Variants in DPP10 observed in about 807,000 individuals in gnomAD.
DPP10 encodes the protein dipeptidyl peptidase like 10.
In DPP10, 33 loss-of-function variants were observed where a neutral mutation model predicts 120.9. That is an observed-to-expected ratio of 0.27 (90% CI 0.21 to 0.37). The LOEUF is 0.37. DPP10 is among the 10% of genes least tolerant of loss of function. The pLI is 1.00. For missense variants in DPP10, 816 were observed against 942.8 expected (o/e 0.87, Z 1.76); for synonymous variants, 337 against 326.1 (o/e 1.03, Z -0.36).
At chr2:114,616,819 T>C (rs1246868675) in intron 1 of DPP10, among the ~76,000 whole-genome samples, 4 of 152,054 alleles carry the variant, frequency 2.6e-5, no homozygotes, top group Non-Finnish European at 5.9e-5. Context: ...ATAACATCAA[T>C]GGAGAGATCA....
At chr2:115,121,552 A>C (rs540211864) in intron 1 of DPP10, among the ~76,000 whole-genome samples, 1 of 152,132 alleles carries the variant, frequency 6.6e-6, no homozygotes, top group Admixed American at 6.5e-5. Flanking sequence ...TGGCTCTTGG[A>C]ACATCCTTTT....
intron 1 of DPP10, among the ~76,000 whole-genome samples, chr2:114,555,489 G>A (rs1415316464): frequency 6.6e-6 from 1 of 152,126 alleles, no homozygotes; most frequent in Admixed American, 6.5e-5. Context: ...AACTGTATGG[G>A]TATTTGTGTT....
intron 2 of DPP10, among the ~76,000 whole-genome samples, chr2:115,341,753 C>T (rs2063457729): frequency 6.7e-6 from 1 of 149,688 alleles, no homozygotes; most frequent in African/African-American, 2.5e-5. Context: ...ATTTAAGTTT[C>T]CTCCATATCT....
chr2:114,770,101 G>A (rs552174421), intron 1 of DPP10, among the ~76,000 whole-genome samples: 1 of 152,268 alleles, frequency 6.6e-6, no homozygotes, highest in East Asian at 1.9e-4. Context: ...TTGTTAGCAA[G>A]CTGATTCTAA....
intron 1 of DPP10, among the ~76,000 whole-genome samples, chr2:114,809,526 G>A (rs1003389029): frequency 6.6e-6 from 1 of 152,112 alleles, no homozygotes; most frequent in Non-Finnish European, 1.5e-5. Flanking sequence ...TGCAGTAAGT[G>A]GAGTCTTTAA....
chr2:115,284,002 C>T (rs891059264), intron 1 of DPP10, among the ~76,000 whole-genome samples: 1 of 151,906 alleles, frequency 6.6e-6, no homozygotes, highest in African/African-American at 2.4e-5. Flanking sequence ...GACAACATAG[C>T]CTAACGATGG....
At chr2:115,659,248 C>T (rs2088682692) in intron 5 of DPP10, among the ~76,000 whole-genome samples, 1 of 152,160 alleles carries the variant, frequency 6.6e-6, no homozygotes, top group African/African-American at 2.4e-5. Context: ...CAATACATTT[C>T]TGTTCTTTAT....
intron 1 of DPP10, among the ~76,000 whole-genome samples, chr2:114,863,293 G>A (rs1387732430): frequency 6.6e-6 from 1 of 152,104 alleles, no homozygotes; most frequent in African/African-American, 2.4e-5. Flanking sequence ...CTGAATTGTT[G>A]TACTGTAGAC....
intron 1 of DPP10, among the ~76,000 whole-genome samples, chr2:114,585,335 C>T (rs762095892): frequency 1.3e-5 from 2 of 152,128 alleles, no homozygotes; most frequent in Non-Finnish European, 2.9e-5. Context: ...ATTTCCCTCT[C>T]GTTGACTCTC....
chr2:115,153,993 C>A (rs1024904519), intron 1 of DPP10, among the ~76,000 whole-genome samples: 7 of 152,160 alleles, frequency 4.6e-5, no homozygotes, highest in African/African-American at 1.7e-4. Flanking sequence ...ACTAGCAAAG[C>A]AGATAAACAA....
intron 1 of DPP10, among the ~76,000 whole-genome samples, chr2:114,525,595 C>G (rs796681871): frequency 1.3e-5 from 2 of 152,246 alleles, no homozygotes; most frequent in South Asian, 2.1e-4. Flanking sequence ...TGTTCGAGAT[C>G]GAGTGAAAGA....
intron 1 of DPP10, among the ~76,000 whole-genome samples, chr2:114,670,357 A>G (rs1281233815): frequency 1.3e-5 from 2 of 152,250 alleles, no homozygotes; most frequent in Non-Finnish European, 2.9e-5. Flanking sequence ...GCCATAAAAA[A>G]GGATGAGTTC....
At chr2:115,803,056 G>T in intron 19 of DPP10, among the ~76,000 whole-genome samples, 1 of 152,230 alleles carries the variant, frequency 6.6e-6, no homozygotes, top group East Asian at 1.9e-4. Context: ...TTATTATTGT[G>T]TGGGATTCTA....
At chr2:114,852,899 A>G (rs769300253) in intron 1 of DPP10, among the ~76,000 whole-genome samples, 12 of 152,312 alleles carry the variant, frequency 7.9e-5, no homozygotes, top group Middle Eastern at 3.4e-3. Context: ...GCAACTCTTC[A>G]TACTACTTCC....
At chr2:114,703,649 A>T (rs1430978639) in intron 1 of DPP10, among the ~76,000 whole-genome samples, 1 of 152,172 alleles carries the variant, frequency 6.6e-6, no homozygotes, top group Non-Finnish European at 1.5e-5. Flanking sequence ...CTTGATGTCC[A>T]TAGGAAATGG....
intron 1 of DPP10, among the ~76,000 whole-genome samples, chr2:114,741,259 A>G (rs1430333595): frequency 2.6e-5 from 4 of 152,336 alleles, no homozygotes; most frequent in Non-Finnish European, 5.9e-5. Flanking sequence ...CCAAAGGAGA[A>G]TATCTGCCTA....
chr2:114,986,314 G>A lies in DPP10; in HGVS notation c.61-322925G>A, dbSNP rs377317192. Among the ~76,000 whole-genome samples, 21 of 152,286 alleles carry A rather than the reference G, an allele frequency of 1.4e-4. No homozygotes were observed. The East Asian group carries it at 2.3e-3, about 17-fold the overall frequency. On this transcript the variant is annotated intron_variant, in intron 1 of 25. Coordinates refer to ENST00000410059, the MANE Select transcript of DPP10 (RefSeq NM_020868.6). The stretch of plus-strand genomic sequence containing the variant: ...AAATGGTCATTATTTCTAAGTGCAG[G>A]TTTCCTTTTCAACTACAGCTGGGTT...
intron 1 of DPP10, among the ~76,000 whole-genome samples, chr2:115,110,704 TC>T (rs1243427198): frequency 6.6e-6 from 1 of 152,138 alleles, no homozygotes; most frequent in Non-Finnish European, 1.5e-5. Context: ...GAATAGTCTT[TC>T]TTTTCATATT....
At chr2:115,698,578 T>A (rs1269150312) in intron 7 of DPP10, among the ~76,000 whole-genome samples, 2 of 152,186 alleles carry the variant, frequency 1.3e-5, no homozygotes, top group Non-Finnish European at 2.9e-5. Context: ...ACTCTTTCTC[T>A]TGCTCTTGCT....
Sources: allele counts gnomAD v4.1 joint callset (sites outside exome capture counted in the v4.1 genomes callset), GRCh38; gene constraint gnomAD v4.1.1; transcripts MANE v1.5; gene names NCBI Gene and HGNC (gene_info 2026-07-23, HGNC 2026-07-21).